Variants in SRC observed in about 807,000 individuals in gnomAD.
SRC encodes proto-oncogene tyrosine-protein kinase Src.
SRC carries 13 observed loss-of-function variants against 62.9 expected under a neutral mutation model. The observed-to-expected ratio is 0.21, with a 90% CI of 0.13 to 0.33. SRC has a LOEUF of 0.33. Among genes scored for constraint, SRC ranks in the 10% least tolerant of loss-of-function variants. The pLI, the probability that SRC is intolerant of heterozygous loss-of-function variation, is 1.00. For missense variants in SRC, 457 were observed against 737.3 expected, an observed-to-expected ratio of 0.62 and a Z score of 4.40; for synonymous variants, 302 against 317.5, an observed-to-expected ratio of 0.95 and a Z score of 0.52.
rs1336080632 is a variant in SRC, at chr20:37,403,055, C to T, written c.1403-116C>T. The T allele has an allele frequency of 6.9e-6, 9 of 1,309,956 alleles. No homozygotes were observed. The highest frequency in any genetic ancestry group is 5.8e-5 in the South Asian group (4 of 69,268). 81.1% of individuals were successfully genotyped at this position (1,309,956 alleles called of 1,614,324 possible). Reference sequence around the variant, plus strand: ...TCTCAGCTTCGGGGACAGGACTTATCTATGGTCACTCCCAACCTGTCCTAG... The same window carrying T: ...TCTCAGCTTCGGGGACAGGACTTATTTATGGTCACTCCCAACCTGTCCTAG... On this transcript the variant is annotated intron_variant, in intron 13 of 13. Transcript: ENST00000373578. This position sits in a 1 kb window ranked among gnomAD's most constrained non-coding sequence, Gnocchi z 7.1.
chr20:37,380,428 A>G (rs1247804651), intron 2 of SRC, among the ~76,000 whole-genome samples: 1 of 152,074 alleles, frequency 6.6e-6, no homozygotes, highest in Non-Finnish European at 1.5e-5. Context: ...TAAAGACATG[A>G]TTAGTATTTA....
chr20:37,386,199 C>T (rs752173700), intron 5 of SRC, 25 bp downstream of exon 5: 7 of 1,608,060 alleles, frequency 4.4e-6, no homozygotes, highest in Non-Finnish European at 6.0e-6. Flanking sequence ...CCCTATTGCC[C>T]CTCAGGGCTG....
At chr20:37,387,870 C>T (rs941998386) in intron 5 of SRC, among the ~76,000 whole-genome samples, 8 of 152,310 alleles carry the variant, frequency 5.3e-5, no homozygotes, top group African/African-American at 1.4e-4. Context: ...ATTTTATTTA[C>T]GCATCACCAT....
chr20:37,395,137 A>G (rs1386409428), intron 7 of SRC, among the ~76,000 whole-genome samples: 3 of 152,142 alleles, frequency 2.0e-5, no homozygotes, highest in Non-Finnish European at 4.4e-5. Flanking sequence ...ATCAGTAGAA[A>G]ATCATGGTTG....
chr20:37,371,550 A>T (rs1188824883), intron 2 of SRC, among the ~76,000 whole-genome samples: 1 of 150,972 alleles, frequency 6.6e-6, no homozygotes, highest in Admixed American at 6.6e-5. Flanking sequence ...GATTTTCTCT[A>T]TTGCTTTTTA....
Position 37,377,506 on chromosome 20 carries a change from T to C in SRC, c.-172-5113T>C, listed in dbSNP as rs185731564. 3.7e-3 allele frequency among the ~76,000 whole-genome samples: 559 copies of C among 152,288 alleles called. 4 individuals are homozygous for C. The highest frequency in any genetic ancestry group is 0.013 in the African/African-American group (541 of 41,550). On this transcript the variant is annotated intron_variant, in intron 2 of 13. Coordinates refer to ENST00000373578, the MANE Select transcript of SRC (RefSeq NM_198291.3). The stretch of plus-strand genomic sequence containing the variant: ...GGTGTGTGGTGGCTGAACAGCAGTG[T>C]GACCTGAGCATCTGTGAGCCAGGAG...
At chr20:37,381,521 T>A (rs78571878) in intron 2 of SRC, among the ~76,000 whole-genome samples, 135 of 152,292 alleles carry the variant, frequency 8.9e-4, no homozygotes, top group African/African-American at 2.5e-3. Context: ...AAAAATTTTT[T>A]AAAAAAATTT....
intron 1 of SRC, among the ~76,000 whole-genome samples, chr20:37,355,314 G>C (rs572297865): frequency 6.6e-6 from 1 of 151,392 alleles, no homozygotes; most frequent in African/African-American, 2.4e-5. Context: ...CAATACTGCT[G>C]TTCCCGTTTC....
At chr20:37,372,329 T>C (rs962039972) in intron 2 of SRC, among the ~76,000 whole-genome samples, 4 of 152,188 alleles carry the variant, frequency 2.6e-5, no homozygotes, top group Non-Finnish European at 4.4e-5. Context: ...AGCTAGAAAT[T>C]TCCCTTTAAG....
At chr20:37,368,434 T>C (rs1332545948) in intron 2 of SRC, among the ~76,000 whole-genome samples, 1 of 118,378 alleles carries the variant, frequency 8.4e-6, no homozygotes, top group Non-Finnish European at 1.8e-5. Context: ...AACAGACAAA[T>C]AAACAAACAA....
chr20:37,373,338 A>G (rs1307802851), intron 2 of SRC, among the ~76,000 whole-genome samples: 4 of 134,504 alleles, frequency 3.0e-5, no homozygotes, highest in Non-Finnish European at 6.7e-5. Flanking sequence ...ACACACATGT[A>G]CACACACATA....
intron 2 of SRC, among the ~76,000 whole-genome samples, chr20:37,370,644 C>A (rs1284840463): frequency 6.6e-6 from 1 of 152,162 alleles, no homozygotes; most frequent in African/African-American, 2.4e-5. Context: ...TAATTCTTTT[C>A]ATATGTTGCT....
Position 37,403,466 on chromosome 20 carries a change from C to T in SRC, c.*87C>T. 1.5e-6 allele frequency: 2 copies of T among 1,375,680 alleles called. No individual in the cohort carries two copies. Among genetic ancestry groups the T allele is most frequent in the East Asian group, 2.5e-5 (1 of 39,684 alleles). The allele number at this position is 1,375,680 out of a possible 1,614,324, so 85.2% of individuals were successfully genotyped here. On this transcript the variant is annotated 3_prime_UTR_variant, in exon 14 of 14. Coordinates refer to ENST00000373578, the MANE Select transcript of SRC (RefSeq NM_198291.3). The surrounding 1 kb of genome is among the most constrained non-coding windows in gnomAD (Gnocchi z 7.1). Reference sequence around the variant, plus strand: ...GGGCTTGCCCCACTCTGCCTGCCTGCTGTTGGTCCTCTCTCTGTGGGGCTG... The same window carrying T: ...GGGCTTGCCCCACTCTGCCTGCCTGTTGTTGGTCCTCTCTCTGTGGGGCTG...
At chr20:37,373,147 T>TAG (rs1312817908) in intron 2 of SRC, among the ~76,000 whole-genome samples, 1 of 129,870 alleles carries the variant, frequency 7.7e-6, no homozygotes, top group Admixed American at 7.2e-5. Context: ...CATATGTACA[T>TAG]ATACACACAT....
chr20:37,363,678 A>G (rs959037127), intron 1 of SRC, among the ~76,000 whole-genome samples: 4 of 151,612 alleles, frequency 2.6e-5, no homozygotes, highest in African/African-American at 7.3e-5. Context: ...CCATCAGCAC[A>G]CCCCATTCCA....
In SRC at chr20:37,397,465, C is replaced by A. The variant is rs3827968; in HGVS notation, c.704-234C>A. On this transcript the variant is annotated intron_variant, in intron 8 of 13. Coordinates refer to ENST00000373578, the MANE Select transcript of SRC (RefSeq NM_198291.3). This position sits in a 1 kb window ranked among gnomAD's most constrained non-coding sequence, Gnocchi z 4.1. ...CCTCCCCGCAGGGTTCCTGGCACCC[C>A]CTACTGTCTGCTGAATGACTGACTG... Among the ~76,000 whole-genome samples, 190 of 152,330 alleles carry A rather than the reference C, an allele frequency of 1.2e-3. No homozygotes were observed. In the East Asian group the frequency reaches 0.026, roughly 21 times the overall value.
At chr20:37,373,346 A>G (rs1042676759) in intron 2 of SRC, among the ~76,000 whole-genome samples, 16 of 151,238 alleles carry the variant, frequency 1.1e-4, no homozygotes, top group African/African-American at 3.4e-4. Context: ...GTACACACAC[A>G]TATGTACATA....
rs1340240809 is a variant in SRC at position 37,389,423 on chromosome 20, G to A, written c.350+3249G>A. On this transcript the variant is annotated intron_variant, in intron 5 of 13. Transcript: ENST00000373578. ...CATGGCGGCAGGGGGCACCTCGGGA[G>A]TCTAGAGCCTCGGGGTCCTGCCTTC... Among the ~76,000 whole-genome samples, 4 of 152,334 alleles carry A rather than the reference G, an allele frequency of 2.6e-5. No homozygotes were observed. The East Asian group carries it at 5.8e-4, about 22-fold the overall frequency.
rs902220346 is a variant in SRC at position 37,397,453 on chromosome 20, T to C, written c.704-246T>C. 2.0e-5 allele frequency among the ~76,000 whole-genome samples: 3 copies of C among 152,132 alleles called. No homozygotes were observed. Among genetic ancestry groups the C allele is most frequent in the Non-Finnish European group, 4.4e-5 (3 of 68,016 alleles). ...CTGGACATGTTCCCTCCCCGCAGGG[T>C]TCCTGGCACCCCCTACTGTCTGCTG... is the stretch of plus-strand genomic sequence containing the variant. On this transcript the variant is annotated intron_variant, in intron 8 of 13. Coordinates refer to ENST00000373578, the MANE Select transcript of SRC (RefSeq NM_198291.3). The surrounding 1 kb of genome is among the most constrained non-coding windows in gnomAD (Gnocchi z 4.1).
Sources: allele counts gnomAD v4.1 joint callset (sites outside exome capture counted in the v4.1 genomes callset), GRCh38; gene constraint gnomAD v4.1.1; non-coding constraint Gnocchi (gnomAD v3.1); transcripts MANE v1.5; gene names NCBI Gene and HGNC (gene_info 2026-07-23, HGNC 2026-07-21).